Variants in PALM2AKAP2 observed in about 807,000 individuals in gnomAD.
PALM2AKAP2 encodes the protein PALM2-AKAP2 fusion protein.
A neutral mutation model predicts 71.5 loss-of-function variants in PALM2AKAP2; 37 were observed. The ratio of observed to expected loss-of-function variants is 0.52; its 90% CI spans 0.40 to 0.68. The LOEUF is 0.68. Ranked by LOEUF, PALM2AKAP2 falls within the 30% of genes least tolerant of loss-of-function variation. PALM2AKAP2 has a pLI of 0.00. For missense variants in PALM2AKAP2, 1,224 were observed against 1,191.8 expected (o/e 1.03, Z -0.40); for synonymous variants, 468 against 478.8 (o/e 0.98, Z 0.29).
intron 1 of PALM2AKAP2, among the ~76,000 whole-genome samples, chr9:110,080,528 G>A (rs1162614327): frequency 6.6e-6 from 1 of 152,206 alleles, no homozygotes; most frequent in East Asian, 1.9e-4. Flanking sequence ...AAATGTCTGC[G>A]TGGCTCACAT....
At chr9:109,655,414 C>A (rs1025352284) in intron 1 of PALM2AKAP2, among the ~76,000 whole-genome samples, 2 of 151,784 alleles carry the variant, frequency 1.3e-5, no homozygotes, top group South Asian at 2.1e-4. Flanking sequence ...CTCTTTCTCT[C>A]TATATATATG....
chr9:109,759,065 GAA>G (rs1829011025), intron 1 of PALM2AKAP2, among the ~76,000 whole-genome samples: 2 of 152,082 alleles, frequency 1.3e-5, no homozygotes, highest in South Asian at 4.1e-4. Context: ...CTAATTAATA[GAA>G]AGAGAAGTAA....
intron 1 of PALM2AKAP2, among the ~76,000 whole-genome samples, chr9:109,702,162 C>A (rs199797983): frequency 0.042 from 6,402 of 152,038 alleles, 183 homozygotes; most frequent in Non-Finnish European, 0.053. Flanking sequence ...ACTAGTTCAA[C>A]CATTGTGAAA....
intron 1 of PALM2AKAP2, among the ~76,000 whole-genome samples, chr9:110,057,054 C>T (rs151313522): frequency 2.4e-4 from 36 of 152,178 alleles, no homozygotes; most frequent in Non-Finnish European, 4.9e-4. Flanking sequence ...CTTGTCCTTG[C>T]GGTTCCCAGG....
intron 1 of PALM2AKAP2, among the ~76,000 whole-genome samples, chr9:109,697,137 G>C (rs1365627812): frequency 6.6e-6 from 1 of 151,994 alleles, no homozygotes; most frequent in East Asian, 1.9e-4. Flanking sequence ...ACAGGGTACT[G>C]GTTAAATAAA....
chr9:110,117,883 A>G (rs1285211992), intron 1 of PALM2AKAP2, among the ~76,000 whole-genome samples: 1 of 151,908 alleles, frequency 6.6e-6, no homozygotes, highest in Non-Finnish European at 1.5e-5. Flanking sequence ...AGAGAGAGAG[A>G]GAGAGAGAAC....
intron 1 of PALM2AKAP2, among the ~76,000 whole-genome samples, chr9:109,696,526 T>C (rs575263954): frequency 6.6e-6 from 1 of 152,184 alleles, no homozygotes; most frequent in Non-Finnish European, 1.5e-5. Context: ...TTTGGCAATA[T>C]CTATCAGAAT....
At chr9:109,862,356 T>C (rs974728023) in intron 1 of PALM2AKAP2, among the ~76,000 whole-genome samples, 3 of 152,196 alleles carry the variant, frequency 2.0e-5, no homozygotes, top group African/African-American at 7.2e-5. Context: ...AACAATGTAG[T>C]AGGACCCTTT....
chr9:109,882,997 A>C (rs1829888023), intron 3 of PALM2AKAP2, among the ~76,000 whole-genome samples: 1 of 152,096 alleles, frequency 6.6e-6, no homozygotes, highest in Non-Finnish European at 1.5e-5. Flanking sequence ...TTCCAATCAA[A>C]TTGGCAGTTT....
At chr9:109,663,180 C>G (rs1282288419) in intron 1 of PALM2AKAP2, among the ~76,000 whole-genome samples, 2 of 152,156 alleles carry the variant, frequency 1.3e-5, no homozygotes, top group African/African-American at 4.8e-5. Flanking sequence ...TTTTGTGTCT[C>G]TATCTCTTTC....
chr9:110,006,324 C>CCCTTTCTTTCTTTCTT (rs1554736917), intron 6 of PALM2AKAP2, among the ~76,000 whole-genome samples: 1 of 102,102 alleles, frequency 9.8e-6, no homozygotes, highest in Non-Finnish European at 1.9e-5. Context: ...TTCCTTCCTT[C>CCCTTTCTTTCTTTCTT]TCTTTCTTTC....
intron 7 of PALM2AKAP2, among the ~76,000 whole-genome samples, chr9:110,041,575 G>A (rs1214411902): frequency 6.6e-6 from 1 of 152,160 alleles, no homozygotes; most frequent in African/African-American, 2.4e-5. Flanking sequence ...CCAAGTGCGA[G>A]GATGCAGGGA....
At chr9:109,764,312 C>T (rs570064193) in intron 1 of PALM2AKAP2, among the ~76,000 whole-genome samples, 1 of 151,416 alleles carries the variant, frequency 6.6e-6, no homozygotes, top group South Asian at 2.1e-4. Context: ...TCCCACCCCC[C>T]TCCATCTTGT....
intron 1 of PALM2AKAP2, among the ~76,000 whole-genome samples, chr9:109,763,611 CA>C (rs1335533602): frequency 3.3e-5 from 5 of 152,134 alleles, no homozygotes; most frequent in African/African-American, 1.2e-4. Context: ...TGGCTTAAAA[CA>C]AGAGAAATTC....
chr9:110,161,731 A>G (rs1836603675), intron 3 of PALM2AKAP2, among the ~76,000 whole-genome samples: 1 of 152,162 alleles, frequency 6.6e-6, no homozygotes, highest in Non-Finnish European at 1.5e-5. Flanking sequence ...CTATTTGGCT[A>G]CAGACTCTAG....
chr9:109,740,252 G>A (rs866288603), intron 1 of PALM2AKAP2, among the ~76,000 whole-genome samples: 27 of 152,200 alleles, frequency 1.8e-4, no homozygotes, highest in Admixed American at 1.1e-3. Context: ...AGGTCAGGAA[G>A]GTTTCATTCC....
At chr9:109,782,226 G>C (rs1215421719) in intron 1 of PALM2AKAP2, among the ~76,000 whole-genome samples, 1 of 152,192 alleles carries the variant, frequency 6.6e-6, no homozygotes, top group African/African-American at 2.4e-5. Context: ...GAAAGATCTA[G>C]GCAAATCTTT....
chr9:109,670,298 C>T (rs1052022916), intron 1 of PALM2AKAP2, among the ~76,000 whole-genome samples: 8 of 151,952 alleles, frequency 5.3e-5, no homozygotes, highest in Non-Finnish European at 1.2e-4. Flanking sequence ...GGCCCCAGTG[C>T]GTGTTGTTCC....
intron 6 of PALM2AKAP2, among the ~76,000 whole-genome samples, chr9:109,957,041 C>T (rs932567579): frequency 2.6e-5 from 4 of 152,218 alleles, no homozygotes; most frequent in African/African-American, 9.6e-5. Context: ...CAAATTCTTT[C>T]CATTGCACCA....
Sources: gnomAD v4.1 joint callset for allele counts (sites outside exome capture counted in the v4.1 genomes callset) on GRCh38, gnomAD v4.1.1 for gene constraint, MANE v1.5 for transcripts, NCBI Gene and HGNC (gene_info 2026-07-23, HGNC 2026-07-21) for gene names.